Variants in STK32B observed in about 807,000 individuals in gnomAD.
STK32B encodes the protein serine/threonine-protein kinase 32B.
In STK32B, 43 loss-of-function variants were observed where a neutral mutation model predicts 52.6. The ratio of observed to expected loss-of-function variants is 0.82; its 90% CI spans 0.64 to 1.05. The LOEUF is 1.05. Among genes scored for constraint, STK32B ranks in the 50% least tolerant of loss-of-function variants. The pLI, the probability that STK32B is intolerant of heterozygous loss-of-function variation, is 0.00. For missense variants in STK32B, 621 were observed against 534.6 expected, an observed-to-expected ratio of 1.16 and a Z score of -1.59; for synonymous variants, 238 against 204.3, an observed-to-expected ratio of 1.17 and a Z score of -1.41.
intron 1 of STK32B, among the ~76,000 whole-genome samples, chr4:5,065,078 T>C (rs1577044596): frequency 1.3e-5 from 2 of 152,080 alleles, no homozygotes; most frequent in South Asian, 4.1e-4. Flanking sequence ...CAATTGGACC[T>C]CTTACTTAGC....
chr4:5,443,936 C>T (rs1483681084), intron 6 of STK32B, among the ~76,000 whole-genome samples: 2 of 152,204 alleles, frequency 1.3e-5, no homozygotes, highest in African/African-American at 4.8e-5. Flanking sequence ...CAGGCACCCA[C>T]TTGAGGAGGC....
chr4:5,315,702 C>G (rs1263466007), intron 3 of STK32B, among the ~76,000 whole-genome samples: 1 of 136,116 alleles, frequency 7.3e-6, no homozygotes, highest in Non-Finnish European at 1.5e-5. Flanking sequence ...TTTTTTGAGA[C>G]GGAGTTTCAC....
At chr4:5,157,787 G>A (rs768187939) in intron 2 of STK32B, among the ~76,000 whole-genome samples, 2 of 152,164 alleles carry the variant, frequency 1.3e-5, no homozygotes, top group East Asian at 3.8e-4. Context: ...TGACAGAGCC[G>A]AGTTGGAATT....
chr4:5,267,234 A>G (rs916179199), intron 3 of STK32B, among the ~76,000 whole-genome samples: 1 of 152,216 alleles, frequency 6.6e-6, no homozygotes, highest in Non-Finnish European at 1.5e-5. Context: ...AGAACTGTCC[A>G]GTGTCCATTA....
intron 3 of STK32B, among the ~76,000 whole-genome samples, chr4:5,295,875 A>G (rs1052126161): frequency 6.6e-5 from 10 of 151,524 alleles, no homozygotes; most frequent in Non-Finnish European, 1.3e-4. Context: ...TCGATTTTAG[A>G]TCTTTCCCAC....
rs957284217 is a variant in STK32B, at chr4:5,482,798, C to T, written c.1106+14728C>T. Among the ~76,000 whole-genome samples, 13 of 152,140 alleles carry T rather than the reference C, an allele frequency of 8.5e-5. No individual in the cohort carries two copies. The Middle Eastern group carries it at 0.014, about 159-fold the overall frequency. On this transcript the variant is annotated intron_variant, in intron 11 of 11. Coordinates refer to ENST00000282908, the MANE Select transcript of STK32B (RefSeq NM_018401.3). The stretch of plus-strand genomic sequence containing the variant: ...TTCATTAAGAGTTTTCAGGATGAAA[C>T]GTTGCTGAATTTTGTCAAAGGCCTT...
At chr4:5,376,464 G>A (rs143178074) in intron 4 of STK32B, among the ~76,000 whole-genome samples, 81 of 151,474 alleles carry the variant, frequency 5.3e-4, no homozygotes, top group African/African-American at 1.3e-3. Flanking sequence ...TGGCCTAGGC[G>A]TCCACCTGCC....
chr4:5,482,231 T>C (rs1369846202), intron 11 of STK32B, among the ~76,000 whole-genome samples: 1 of 152,212 alleles, frequency 6.6e-6, no homozygotes, highest in Non-Finnish European at 1.5e-5. Context: ...GGAATGTTCT[T>C]CCATTTGTTT....
At chr4:5,439,302 G>C (rs1428271534) in intron 6 of STK32B, among the ~76,000 whole-genome samples, 1 of 151,468 alleles carries the variant, frequency 6.6e-6, no homozygotes, top group Non-Finnish European at 1.5e-5. Flanking sequence ...ATTCTAACTG[G>C]TGTGAGATGG....
intron 3 of STK32B, among the ~76,000 whole-genome samples, chr4:5,203,810 C>G (rs115216930): frequency 2.6e-4 from 39 of 152,278 alleles, no homozygotes; most frequent in African/African-American, 8.9e-4. Flanking sequence ...CCTCCAAGAG[C>G]GATCACTTAA....
intron 4 of STK32B, among the ~76,000 whole-genome samples, chr4:5,339,512 C>G (rs1370886300): frequency 6.6e-6 from 1 of 152,068 alleles, no homozygotes; most frequent in Non-Finnish European, 1.5e-5. Context: ...TATGGAAATG[C>G]TGTGCAATGT....
chr4:5,317,244 T>TA (rs1560313452), intron 3 of STK32B, among the ~76,000 whole-genome samples: 1 of 47,964 alleles, frequency 2.1e-5, no homozygotes, highest in African/African-American at 2.6e-4. Context: ...CATATATATA[T>TA]TATATATAAC....
chr4:5,459,192 A>G (rs1242495571), intron 8 of STK32B, among the ~76,000 whole-genome samples: 1 of 151,964 alleles, frequency 6.6e-6, no homozygotes, highest in Non-Finnish European at 1.5e-5. Flanking sequence ...CAGCCACTCA[A>G]TGGGCATAGG....
At chr4:5,439,008 G>A (rs1043282137) in intron 6 of STK32B, among the ~76,000 whole-genome samples, 6 of 151,484 alleles carry the variant, frequency 4.0e-5, no homozygotes, top group African/African-American at 1.2e-4. Flanking sequence ...ATCATTGTTG[G>A]ACATTTGGGT....
intron 3 of STK32B, among the ~76,000 whole-genome samples, chr4:5,288,447 C>G (rs28887842): frequency 0.32 from 49,049 of 151,948 alleles, 12,826 homozygotes; most frequent in African/African-American, 0.73. Context: ...TATAAATGAT[C>G]CCTTATTGTG....
At chr4:5,120,531 T>C (rs986086024) in intron 1 of STK32B, among the ~76,000 whole-genome samples, 1 of 152,172 alleles carries the variant, frequency 6.6e-6, no homozygotes, top group East Asian at 1.9e-4. Context: ...AGGTATGTTA[T>C]AGGAAAAAAA....
At position 5,146,378 on chromosome 4, in the gene STK32B, A is replaced by G. The variant is rs141993043; in HGVS notation, c.108+6418A>G. ...ACCACTGGTGTAAGTCCAAGAATCC[A>G]AAAGCCGAAGAATTTGAAGTCTGAT... On this transcript the variant is annotated intron_variant, in intron 2 of 11. Transcript: ENST00000282908. Among the ~76,000 whole-genome samples the G allele has an allele frequency of 4.9e-3, 752 of 152,336 alleles. 10 individuals are homozygous for G. The highest frequency in any genetic ancestry group is 0.019 in the South Asian group (94 of 4,826).
chr4:5,268,839 TAAAC>T (rs1367466290), intron 3 of STK32B, among the ~76,000 whole-genome samples: 3 of 141,324 alleles, frequency 2.1e-5, no homozygotes, highest in Admixed American at 6.7e-5. Context: ...CCTCCTACCT[TAAAC>T]AAACAAAAAA....
intron 3 of STK32B, among the ~76,000 whole-genome samples, chr4:5,178,286 A>C (rs1175318947): frequency 6.6e-6 from 1 of 152,242 alleles, no homozygotes; most frequent in Non-Finnish European, 1.5e-5. Flanking sequence ...CTGAAACAAC[A>C]GCCTGACCTG....
Sources: allele counts gnomAD v4.1 joint callset (sites outside exome capture counted in the v4.1 genomes callset), GRCh38; gene constraint gnomAD v4.1.1; transcripts MANE v1.5; gene names NCBI Gene and HGNC (gene_info 2026-07-23, HGNC 2026-07-21).